Variants in CDKL3 observed in about 807,000 individuals in gnomAD.
The protein encoded by CDKL3 is cyclin-dependent kinase-like 3.
A neutral mutation model predicts 69.3 loss-of-function variants in CDKL3; 65 were observed. The ratio of observed to expected loss-of-function variants is 0.94; its 90% CI spans 0.77 to 1.15. CDKL3 has a LOEUF of 1.15. CDKL3 is among the 50% of genes most tolerant of loss of function. The probability of loss-of-function intolerance (pLI) is 0.00; values close to 1 mark genes in which losing one functional copy is unlikely to be tolerated. For missense variants in CDKL3, 652 were observed against 689.2 expected, an observed-to-expected ratio of 0.95 and a Z score of 0.61; for synonymous variants, 202 against 221.6, an observed-to-expected ratio of 0.91 and a Z score of 0.79.
intron 2 of CDKL3, among the ~76,000 whole-genome samples, chr5:134,362,716 G>A (rs576199960): frequency 2.0e-5 from 3 of 152,096 alleles, no homozygotes; most frequent in African/African-American, 7.2e-5. Context: ...ATCACATGAA[G>A]CCAGGAGTTC....
At position 134,312,359 on chromosome 5, in the gene CDKL3, C is replaced by G; in HGVS notation, c.814G>C (p.Ala272Pro). The G allele has an allele frequency of 6.3e-7, 1 of 1,594,774 alleles. No individual in the cohort carries two copies. The highest frequency in any genetic ancestry group is 8.5e-7 in the Non-Finnish European group (1 of 1,171,530). Residue 272 changes from alanine to proline, a missense_variant, in exon 7 of 13, where the codon GCT becomes CCT. Coordinates refer to ENST00000265334, the MANE Select transcript of CDKL3 (RefSeq NM_001113575.2). The stretch of plus-strand genomic sequence containing the variant: ...AGATCACTAGATGATATCCTGTCAG[C>G]AGGATCAATTTGTAAACAAGCCTAG... ...IVHACLQIDP[A>P]DRISSSDLLH...
Position 134,308,661 on chromosome 5 carries a change from T to C in CDKL3, c.948A>G (p.Lys316=), listed in dbSNP as rs1262457603. 1 of 1,609,856 alleles carries C rather than the reference T, an allele frequency of 6.2e-7. No individual in the cohort carries two copies. The highest frequency in any genetic ancestry group is 8.5e-7 in the Non-Finnish European group (1 of 1,178,798). ...EAKVNSLIKP[K]ESSKENELRK... The stretch of plus-strand genomic sequence containing the variant: ...TGAGTTCATTTTCTTTAGAACTCTC[T>C]TTTGGCTTTATTAATGAATTGACTT... Residue 316 remains lysine, a synonymous_variant, in exon 8 of 13, where the codon AAA becomes AAG. Coordinates refer to ENST00000265334, the MANE Select transcript of CDKL3 (RefSeq NM_001113575.2).
intron 3 of CDKL3, among the ~76,000 whole-genome samples, chr5:134,355,768 G>A (rs76512996): frequency 3.2e-4 from 48 of 152,158 alleles, no homozygotes; most frequent in African/African-American, 1.1e-3. Context: ...CTCATTCTGC[G>A]GTATTTCCTA....
intron 6 of CDKL3, among the ~76,000 whole-genome samples, chr5:134,318,787 T>C (rs1218189676): frequency 6.6e-6 from 1 of 151,970 alleles, no homozygotes; most frequent in African/African-American, 2.4e-5. Context: ...GCCTGGCCCA[T>C]TTCTCCAGTT....
At chr5:134,297,890 TTGTGTGTGTGTGTGTGTGTGTGTG>T (rs528154005), downstream of CDKL3, among the ~76,000 whole-genome samples, 886 of 105,196 alleles carry the variant, frequency 8.4e-3, 11 homozygotes, top group African/African-American at 0.03. Context: ...CATGAATAGT[TTGTGTGTGTGTGTGTGTGTGTGTG>T]TGTGTGTGTG....
intron 11 of CDKL3, among the ~76,000 whole-genome samples, chr5:134,303,671 C>A (rs973859633): frequency 2.8e-5 from 3 of 108,848 alleles, no homozygotes; most frequent in Non-Finnish European, 5.3e-5. Flanking sequence ...TGGTGGAACC[C>A]CCCCCCCGTC....
At chr5:134,292,417 A>G (rs1765159992) in intron 8 of CDKL3, among the ~76,000 whole-genome samples, 2 of 152,194 alleles carry the variant, frequency 1.3e-5, no homozygotes, top group Admixed American at 1.3e-4. Flanking sequence ...ACTTTCACTG[A>G]TGATAGGATA....
At chr5:134,348,496 T>C (rs1171063058) in intron 4 of CDKL3, among the ~76,000 whole-genome samples, 2 of 152,138 alleles carry the variant, frequency 1.3e-5, no homozygotes, top group East Asian at 1.9e-4. Flanking sequence ...CCAACCTTAC[T>C]GTGGGCCAGG....
chr5:134,350,257 A>C lies in CDKL3; in HGVS notation c.531T>G (p.Ser177=), dbSNP rs1322837000. Residue 177 remains serine (S), a synonymous_variant, in exon 4 of 13, where the codon TCT becomes TCG. Transcript: ENST00000265334. ...RAPELVLKDT[S]YGKPVDIWAL... is the part of the protein sequence containing the mutation. The stretch of plus-strand genomic sequence containing the variant: ...TCCCAAAATACACATACTTTCCATA[A>C]GAAGTATCTTTTAATACTAATTCGG... The C allele has an allele frequency of 8.3e-6, 13 of 1,562,496 alleles. No homozygotes were observed. Among genetic ancestry groups the C allele is most frequent in the Non-Finnish European group, 1.1e-5 (13 of 1,156,098 alleles).
At position 134,298,453 on chromosome 5, in the gene CDKL3, C is replaced by A; in HGVS notation, c.*198G>T. 1 of 1,336,412 alleles carries A rather than the reference C, an allele frequency of 7.5e-7. No individual in the cohort carries two copies. Among genetic ancestry groups the A allele is most frequent in the Non-Finnish European group, 9.5e-7 (1 of 1,048,652 alleles). The allele number at this position is 1,336,412 out of a possible 1,614,324, so 82.8% of individuals were successfully genotyped here. On this transcript the variant is annotated 3_prime_UTR_variant, in exon 13 of 13. Coordinates refer to ENST00000265334, the MANE Select transcript of CDKL3 (RefSeq NM_001113575.2). ...CAGAGAAGAGATGACTTTATAATTC[C>A]AAATCAAATTATCACATCAACAGAG... is the stretch of plus-strand genomic sequence containing the variant.
chr5:134,334,921 T>C (rs1776692285), intron 4 of CDKL3, among the ~76,000 whole-genome samples: 1 of 152,130 alleles, frequency 6.6e-6, no homozygotes, highest in South Asian at 2.1e-4. Flanking sequence ...GGTGTTAAAT[T>C]CTCCCGTTAT....
intron 3 of CDKL3, among the ~76,000 whole-genome samples, chr5:134,353,161 G>A (rs557533503): frequency 5.3e-5 from 8 of 152,100 alleles, no homozygotes; most frequent in Non-Finnish European, 8.8e-5. Flanking sequence ...ACATTTCTAC[G>A]TCTAACAGAT....
chr5:134,310,902 CA>C (rs960081137), intron 7 of CDKL3, among the ~76,000 whole-genome samples: 1 of 152,190 alleles, frequency 6.6e-6, no homozygotes, highest in Non-Finnish European at 1.5e-5. Flanking sequence ...AGTCTATCTC[CA>C]ATAGCAGTTC....
At chr5:134,341,351 A>G (rs1007470564) in intron 4 of CDKL3, among the ~76,000 whole-genome samples, 2 of 152,216 alleles carry the variant, frequency 1.3e-5, no homozygotes, top group African/African-American at 4.8e-5. Flanking sequence ...GACAGGAAAA[A>G]GAAATAAAAG....
intron 8 of CDKL3, among the ~76,000 whole-genome samples, chr5:134,290,972 T>C (rs1169969656): frequency 6.6e-6 from 1 of 152,100 alleles, no homozygotes; most frequent in Non-Finnish European, 1.5e-5. Flanking sequence ...ACAAGAGATG[T>C]TGTGAATAGC....
chr5:134,367,451 G>A (rs1757734216), upstream of CDKL3: 3 of 927,966 alleles, frequency 3.2e-6, no homozygotes, highest in African/African-American at 5.7e-5. Context: ...TTGGCTCACT[G>A]CAACCTCCTC....
intron 2 of CDKL3, among the ~76,000 whole-genome samples, chr5:134,363,073 TA>T (rs1388968292): frequency 1.3e-5 from 2 of 152,090 alleles, no homozygotes; most frequent in Admixed American, 6.6e-5. Context: ...CCAAAATGAT[TA>T]AATAGAAAAA....
chr5:134,367,607 C>T (rs1757768029), upstream of CDKL3, among the ~76,000 whole-genome samples: 1 of 151,958 alleles, frequency 6.6e-6, no homozygotes, highest in Non-Finnish European at 1.5e-5. Context: ...CTCCCAACAT[C>T]AGGTGATCCG....
At chr5:134,371,461 T>C (rs1323455654), upstream of CDKL3, 32 of 1,116,074 alleles carry the variant, frequency 2.9e-5, no homozygotes, top group Non-Finnish European at 4.0e-5. Flanking sequence ...ATTGCAGGGT[T>C]GTTTGTCAGT....
Sources: gnomAD v4.1 joint callset for allele counts (sites outside exome capture counted in the v4.1 genomes callset) on GRCh38, gnomAD v4.1.1 for gene constraint, MANE v1.5 for transcripts, NCBI Gene and HGNC (gene_info 2026-07-23, HGNC 2026-07-21) for gene names.